GRID1: variants seen among roughly 807,000 people sequenced by gnomAD.
GRID1 encodes glutamate ionotropic receptor delta type subunit 1, also known as glutamate receptor ionotropic, delta-1.
In GRID1, 28 loss-of-function variants were observed where a neutral mutation model predicts 98.0. The ratio of observed to expected loss-of-function variants is 0.29; its 90% CI spans 0.21 to 0.39. The LOEUF (loss-of-function observed/expected upper bound fraction) is 0.39, where lower values mean the gene tolerates loss of function less well. GRID1 is among the 10% of genes least tolerant of loss of function. The probability of loss-of-function intolerance (pLI) is 1.00; values close to 1 mark genes in which losing one functional copy is unlikely to be tolerated. For synonymous variants in GRID1, 553 were observed against 538.5 expected, an observed-to-expected ratio of 1.03 and a Z score of -0.37; for missense variants, 1,111 against 1,340.5, an observed-to-expected ratio of 0.83 and a Z score of 2.67.
intron 4 of GRID1, among the ~76,000 whole-genome samples, chr10:86,008,116 G>C (rs1589334393): frequency 6.6e-6 from 1 of 152,166 alleles, no homozygotes; most frequent in South Asian, 2.1e-4. Flanking sequence ...CTGTTGGCCT[G>C]ATTACCCCTG....
At chr10:86,047,292 G>A (rs1179743628) in intron 4 of GRID1, among the ~76,000 whole-genome samples, 3 of 152,192 alleles carry the variant, frequency 2.0e-5, no homozygotes, top group African/African-American at 7.2e-5. Flanking sequence ...CACAAGTGTG[G>A]AGCAGAGCCA....
rs371232709 is a variant in GRID1, at chr10:85,925,282, C to T, written c.727-9043G>A. Among the ~76,000 whole-genome samples the T allele has an allele frequency of 5.8e-4, 88 of 152,330 alleles. 3 individuals are homozygous for T. The South Asian group carries it at 0.016, about 27-fold the overall frequency. ...GGCAACGGAGCCCAGCTTTTCTATC[C>T]GATCTTGTCTCACAGAGGAGCAAGA... On this transcript the variant is annotated intron_variant, in intron 4 of 15. Coordinates refer to ENST00000327946, the MANE Select transcript of GRID1 (RefSeq NM_017551.3).
intron 8 of GRID1, among the ~76,000 whole-genome samples, chr10:85,735,814 A>T (rs1765918122): frequency 6.8e-6 from 1 of 146,766 alleles, no homozygotes; most frequent in Non-Finnish European, 1.5e-5. Flanking sequence ...GGAAGGAGGG[A>T]TGGAGGGATG....
intron 3 of GRID1, among the ~76,000 whole-genome samples, chr10:86,174,159 T>G (rs2131995610): frequency 6.6e-6 from 1 of 152,216 alleles, no homozygotes; most frequent in Non-Finnish European, 1.5e-5. Context: ...CACATTGACT[T>G]TCAAAAAAGA....
intron 13 of GRID1, among the ~76,000 whole-genome samples, chr10:85,622,447 C>T (rs1297984176): frequency 3.3e-5 from 5 of 152,010 alleles, no homozygotes; most frequent in African/African-American, 7.3e-5. Context: ...TGCTATGTTG[C>T]CCAGGCTGAA....
intron 3 of GRID1, among the ~76,000 whole-genome samples, chr10:86,173,284 C>T (rs1845521631): frequency 6.6e-6 from 1 of 152,246 alleles, no homozygotes; most frequent in Admixed American, 6.5e-5. Flanking sequence ...AGTGATCCTC[C>T]TGCCTCGGCC....
chr10:85,743,113 C>G (rs111690670), intron 8 of GRID1, among the ~76,000 whole-genome samples: 5 of 134,180 alleles, frequency 3.7e-5, no homozygotes, highest in African/African-American at 5.3e-5. Context: ...CAGCCCCCCC[C>G]CCCACCACCC....
chr10:85,743,321 G>A (rs975698577), intron 8 of GRID1, among the ~76,000 whole-genome samples: 8 of 152,198 alleles, frequency 5.3e-5, no homozygotes, highest in Non-Finnish European at 1.2e-4. Context: ...AACTAGCTGA[G>A]TGTCATTGAG....
chr10:85,692,875 A>C (rs900223176), intron 12 of GRID1, among the ~76,000 whole-genome samples: 1 of 152,186 alleles, frequency 6.6e-6, no homozygotes, highest in African/African-American at 2.4e-5. Context: ...CCCAAGGCCT[A>C]GCATTTGAGA....
chr10:86,092,884 G>T (rs1476951565), intron 4 of GRID1, among the ~76,000 whole-genome samples: 1 of 152,176 alleles, frequency 6.6e-6, no homozygotes, highest in Non-Finnish European at 1.5e-5. Flanking sequence ...GGAACAAATG[G>T]ACTTAGCAGA....
At chr10:85,879,478 C>G (rs1287233801) in intron 5 of GRID1, among the ~76,000 whole-genome samples, 1 of 152,090 alleles carries the variant, frequency 6.6e-6, no homozygotes, top group Non-Finnish European at 1.5e-5. Flanking sequence ...CACTCAAAAC[C>G]ACTGAACTAC....
chr10:86,329,916 C>T (rs1002195155), intron 2 of GRID1, among the ~76,000 whole-genome samples: 2 of 152,194 alleles, frequency 1.3e-5, no homozygotes, highest in African/African-American at 4.8e-5. Flanking sequence ...CATGACCCAC[C>T]CCAGATACTG....
chr10:86,119,067 T>A (rs1564680553), intron 4 of GRID1, among the ~76,000 whole-genome samples: 1 of 152,188 alleles, frequency 6.6e-6, no homozygotes. Context: ...CCGGGCACAG[T>A]GGCTCATGCT....
At chr10:85,902,379 ATTAT>A (rs1191662326) in intron 5 of GRID1, among the ~76,000 whole-genome samples, 7 of 152,316 alleles carry the variant, frequency 4.6e-5, no homozygotes, top group Non-Finnish European at 8.8e-5. Context: ...AAACGTATAA[ATTAT>A]TTATTTATGG....
intron 2 of GRID1, among the ~76,000 whole-genome samples, chr10:86,315,061 C>T (rs1468564003): frequency 6.6e-6 from 1 of 152,108 alleles, no homozygotes; most frequent in Non-Finnish European, 1.5e-5. Context: ...AGTTCAGAGC[C>T]GCCCTGCTTC....
At chr10:85,649,116 C>G (rs1290358363) in intron 12 of GRID1, among the ~76,000 whole-genome samples, 1 of 152,138 alleles carries the variant, frequency 6.6e-6, no homozygotes, top group East Asian at 1.9e-4. Context: ...TTCTGGGTCC[C>G]CAGTAGACTA....
intron 2 of GRID1, among the ~76,000 whole-genome samples, chr10:86,272,389 A>G (rs757802667): frequency 2.0e-5 from 3 of 152,192 alleles, no homozygotes. Flanking sequence ...GTATTGTGGC[A>G]TTTTTACTTG....
intron 13 of GRID1, among the ~76,000 whole-genome samples, chr10:85,623,461 C>T (rs772396308): frequency 2.0e-5 from 3 of 152,224 alleles, no homozygotes; most frequent in Admixed American, 1.3e-4. Flanking sequence ...CAGTTTTCCA[C>T]GTGGCCCCAA....
intron 4 of GRID1, among the ~76,000 whole-genome samples, chr10:85,937,355 T>C (rs538751401): frequency 6.6e-6 from 1 of 152,300 alleles, no homozygotes; most frequent in African/African-American, 2.4e-5. Flanking sequence ...GGGAAAAAGG[T>C]AGCACCTTCT....
Sources: allele counts gnomAD v4.1 joint callset (sites outside exome capture counted in the v4.1 genomes callset), GRCh38; gene constraint gnomAD v4.1.1; transcripts MANE v1.5; gene names NCBI Gene and HGNC (gene_info 2026-07-23, HGNC 2026-07-21).